Variants in SLC11A1 observed in about 807,000 individuals in gnomAD.
SLC11A1 encodes the protein solute carrier family 11 member 1, also known as natural resistance-associated macrophage protein 1.
A neutral mutation model predicts 63.2 loss-of-function variants in SLC11A1; 59 were observed. That is an observed-to-expected ratio of 0.93 (90% CI 0.76 to 1.16). SLC11A1 has a LOEUF of 1.16. Ranked by LOEUF, SLC11A1 falls within the 50% of genes most tolerant of loss-of-function variation. The pLI is 0.00. For synonymous variants in SLC11A1, 305 were observed against 307.8 expected (o/e 0.99, Z 0.09); for missense variants, 688 against 730.7 (o/e 0.94, Z 0.67).
chr2:218,394,950 G>A lies in SLC11A1; in HGVS notation c.1568G>A (p.Gly523Glu), dbSNP rs1302109775. The A allele has an allele frequency of 6.2e-7, 1 of 1,613,262 alleles. No homozygotes were observed. Among genetic ancestry groups the A allele is most frequent in the East Asian group, 2.2e-5 (1 of 44,876 alleles). The change falls in exon 15 of 15, where the codon GGA (glycine) becomes GAA (glutamate). Residue 523 changes from glycine to glutamate, a missense_variant. By Grantham distance (98) the Gly-to-Glu change is moderately conservative. Coordinates refer to ENST00000233202, the MANE Select transcript of SLC11A1 (RefSeq NM_000578.4). ...YLVWTCCLAHGATFLAHSSHH... is the reference protein window; with the variant it reads ...YLVWTCCLAHEATFLAHSSHH... ...GTCTGGACCTGTTGCCTTGCCCACGGAGCCACCTTTCTGGCCCACAGCTCC... is the reference window on the plus strand; with the variant it reads ...GTCTGGACCTGTTGCCTTGCCCACGAAGCCACCTTTCTGGCCCACAGCTCC...
Position 218,395,039 on chromosome 2 carries a change from C to G in SLC11A1, c.*4C>G, listed in dbSNP as rs751924084. On this transcript the variant is annotated 3_prime_UTR_variant, in exon 15 of 15. Transcript: ENST00000233202. ...GAAAGGGGAGACCTCTGGCTAGGCC[C>G]ACACCAGGGCCTGGCTGGGAGTGGC... The G allele has an allele frequency of 6.3e-7, 1 of 1,589,012 alleles. No homozygotes were observed.
At chr2:218,385,305 C>T in intron 4 of SLC11A1, 39 bp downstream of exon 4, 1 of 1,612,970 alleles carries the variant, frequency 6.2e-7, no homozygotes, top group Non-Finnish European at 8.5e-7. Flanking sequence ...ACCACTGGCC[C>T]CAAACCCCAA....
intron 9 of SLC11A1, 64 bp downstream of exon 9, chr2:218,390,092 A>T: frequency 5.8e-6 from 9 of 1,539,464 alleles, no homozygotes; most frequent in Non-Finnish European, 5.3e-6. Context: ...AGCCTTGCCG[A>T]GGACCCTAGG....
intron 13 of SLC11A1, 42 bp from the exon 14 acceptor site, chr2:218,394,590 A>T (rs1178509628): frequency 2.5e-6 from 4 of 1,600,466 alleles, no homozygotes; most frequent in Non-Finnish European, 3.4e-6. Context: ...CAGGTGGGCC[A>T]GCAGCAACCA....
At chr2:218,388,659 G>C (rs925989789) in intron 8 of SLC11A1, among the ~76,000 whole-genome samples, 3 of 151,682 alleles carry the variant, frequency 2.0e-5, no homozygotes, top group African/African-American at 7.3e-5. Context: ...AAAATTAGCC[G>C]GAAGTGGTGG....
At position 218,384,298 on chromosome 2, in the gene SLC11A1, G is replaced by A. The variant is rs1361121063; in HGVS notation, c.206G>A (p.Ser69Asn). 24 of 1,609,486 alleles carry A rather than the reference G, an allele frequency of 1.5e-5. No individual in the cohort carries two copies. The highest frequency in any genetic ancestry group is 1.7e-5 in the Non-Finnish European group (20 of 1,176,824). Residue 69 changes from serine (S) to asparagine (N), a missense_variant, in exon 3 of 15, where the codon AGC becomes AAC. Ser to Asn is a conservative substitution (Grantham distance 46). Transcript: ENST00000233202. This position sits in a 1 kb window ranked among gnomAD's most constrained non-coding sequence, Gnocchi z 4.0. ...TTCACGGGGCCTGGCTTCCTCATGA[G>A]CATTGCTTTCCTGGACCCAGGAAAC... Reference protein sequence around the residue: ...WAFTGPGFLMSIAFLDPGNIE... With the variant: ...WAFTGPGFLMNIAFLDPGNIE...
Position 218,385,222 on chromosome 2 carries a change from A to G in SLC11A1, c.349A>G (p.Thr117Ala). ...QRLAARLGVV[T>A]GKDLGEVCHL... ...ACTGGCTGCACGTCTGGGCGTGGTG[A>G]CAGGCAAGGACTTGGGCGAGGTCTG... is the stretch of plus-strand genomic sequence containing the variant. Residue 117 changes from threonine (T) to alanine (A), a missense_variant, in exon 4 of 15, where the codon ACA (threonine) becomes GCA (alanine). Physicochemically the swap from Thr to Ala is moderately conservative, Grantham distance 58. Coordinates refer to ENST00000233202, the MANE Select transcript of SLC11A1 (RefSeq NM_000578.4). 3 of 1,614,056 alleles carry G rather than the reference A, an allele frequency of 1.9e-6. No homozygotes were observed. The highest frequency in any genetic ancestry group is 1.1e-5 in the South Asian group (1 of 91,092).
At position 218,395,061 on chromosome 2, in the gene SLC11A1, T is replaced by G. The variant is rs756125075; in HGVS notation, c.*26T>G. ...GCCCACACCAGGGCCTGGCTGGGAG[T>G]GGCATGTATGACGTGACTGGCCTGC... is the stretch of plus-strand genomic sequence containing the variant. On this transcript the variant is annotated 3_prime_UTR_variant, in exon 15 of 15. Coordinates refer to ENST00000233202, the MANE Select transcript of SLC11A1 (RefSeq NM_000578.4). 1 of 1,530,480 alleles carries G rather than the reference T, an allele frequency of 6.5e-7. No individual in the cohort carries two copies. The highest frequency in any genetic ancestry group is 8.9e-7 in the Non-Finnish European group (1 of 1,123,022). 94.8% of individuals were successfully genotyped at this position (1,530,480 alleles called of 1,614,324 possible).
At chr2:218,392,165 G>C (rs183681030) in intron 11 of SLC11A1, 19 of 354,038 alleles carry the variant, frequency 5.4e-5, no homozygotes, top group Admixed American at 2.2e-4. Context: ...CCACCTCCTG[G>C]GTTCAAGCAA....
rs928047903 is a variant in SLC11A1 at position 218,392,998 on chromosome 2, G to A, written c.1182G>A (p.Arg394=). The A allele has an allele frequency of 6.3e-6, 10 of 1,592,612 alleles. No homozygotes were observed. The African/African-American group carries it at 1.2e-4, about 19-fold the overall frequency. Residue 394 remains arginine (R), a synonymous_variant, in exon 12 of 15, where the codon CGG becomes CGA. Transcript: ENST00000233202. Reference sequence around the variant, plus strand: ...CACCCCAGGGCTTCCTGAGGCTGCGGTGGTCACGCTTCGCCCGTGTCCTCC... The same window carrying A: ...CACCCCAGGGCTTCCTGAGGCTGCGATGGTCACGCTTCGCCCGTGTCCTCC... ...QFVMEGFLRL[R]WSRFARVLLT... is the part of the protein sequence containing the mutation.
intron 4 of SLC11A1, among the ~76,000 whole-genome samples, chr2:218,386,244 G>T (rs77316849): frequency 6.6e-6 from 1 of 152,114 alleles, no homozygotes; most frequent in African/African-American, 2.4e-5. Context: ...CCTGAGGTCG[G>T]GAGTTCGAGA....
At chr2:218,386,999 G>A in intron 5 of SLC11A1, 161 bp from the exon 6 acceptor site, 7 of 709,364 alleles carry the variant, frequency 9.9e-6, no homozygotes, top group South Asian at 3.3e-5. Context: ...GCCCTGCCTC[G>A]ACTGTTCTAT....
At chr2:218,387,277 C>T (rs779492556) in intron 6 of SLC11A1, 47 bp downstream of exon 6, 2 of 1,541,740 alleles carry the variant, frequency 1.3e-6, no homozygotes, top group Non-Finnish European at 8.9e-7. Flanking sequence ...GGTGAGGGTG[C>T]TGTACTGGGA....
rs1382936991 is a variant in SLC11A1 at position 218,390,007 on chromosome 2, C to T, written c.933C>T (p.Tyr311=). 3 of 1,612,534 alleles carry T rather than the reference C, an allele frequency of 1.9e-6. No individual in the cohort carries two copies. The highest frequency in any genetic ancestry group is 1.1e-5 in the South Asian group (1 of 90,952). Residue 311 remains tyrosine (Y), a synonymous_variant, in exon 9 of 15, where the codon TAC becomes TAT. Coordinates refer to ENST00000233202, the MANE Select transcript of SLC11A1 (RefSeq NM_000578.4). Reference sequence around the variant, plus strand: ...TGGCTGTCTTTGGGCAGGCCTTCTACCAGAAAACCAACCAGGCTGCGGTGA... The same window carrying T: ...TGGCTGTCTTTGGGCAGGCCTTCTATCAGAAAACCAACCAGGCTGCGGTGA... ...FVMAVFGQAF[Y]QKTNQAAFNI...
At chr2:218,394,264 A>C (rs1696626732) in intron 13 of SLC11A1, 71 bp downstream of exon 13, 2 of 1,467,108 alleles carry the variant, frequency 1.4e-6, no homozygotes, top group Non-Finnish European at 1.9e-6. Flanking sequence ...CAGAGGTACG[A>C]GCTACAATTC....
rs565494288 is a variant in SLC11A1, at chr2:218,384,789, T to C, written c.274-358T>C. On this transcript the variant is annotated intron_variant, in intron 3 of 14. Coordinates refer to ENST00000233202, the MANE Select transcript of SLC11A1 (RefSeq NM_000578.4). The surrounding 1 kb of genome is among the most constrained non-coding windows in gnomAD (Gnocchi z 4.0). ...TTTTAGTAGAGATGGGGTTTCACTG[T>C]GTGGGCCAGGCTGGTCTTGAACTCC... 1.1e-3 allele frequency: 298 copies of C among 280,460 alleles called. No homozygotes were observed. Among genetic ancestry groups the C allele is most frequent in the Non-Finnish European group, 1.7e-3 (245 of 143,702 alleles). 17.4% of individuals were successfully genotyped at this position (280,460 alleles called of 1,614,324 possible). A position where few individuals can be genotyped will look rare whatever the true frequency, so the allele number is the denominator to read the frequency against.
chr2:218,392,794 G>C (rs757272923), intron 11 of SLC11A1, 187 bp from the exon 12 acceptor site: 62 of 504,378 alleles, frequency 1.2e-4, no homozygotes, highest in Non-Finnish European at 1.8e-4. Flanking sequence ...ACCAGCTATG[G>C]GATGGGAGCT....
chr2:218,386,815 C>T, intron 5 of SLC11A1, 74 bp downstream of exon 5: 1 of 1,095,168 alleles, frequency 9.1e-7, no homozygotes, highest in Non-Finnish European at 1.4e-6. Flanking sequence ...CCTAACCAGT[C>T]CCTCCCAGAG....
chr2:218,390,051 C>T lies in SLC11A1; in HGVS notation c.954+23C>T, dbSNP rs372428372. 1.1e-5 allele frequency: 17 copies of T among 1,598,324 alleles called. No homozygotes were observed. In the African/African-American group the frequency reaches 1.3e-4, roughly 13 times the overall value. The stretch of plus-strand genomic sequence containing the variant: ...GCGGTGAGACACACTTTCCCCCGCA[C>T]CTGAGGCCACACACGTACTCATGTC... On this transcript the variant is annotated intron_variant, in intron 9 of 14. Coordinates refer to ENST00000233202, the MANE Select transcript of SLC11A1 (RefSeq NM_000578.4).
Sources: allele counts gnomAD v4.1 joint callset (sites outside exome capture counted in the v4.1 genomes callset), GRCh38; gene constraint gnomAD v4.1.1; non-coding constraint Gnocchi (gnomAD v3.1); transcripts MANE v1.5; gene names NCBI Gene and HGNC (gene_info 2026-07-23, HGNC 2026-07-21).